Variants in KCNJ16 observed in about 807,000 individuals in gnomAD.
KCNJ16 encodes potassium inwardly rectifying channel subfamily J member 16.
Under a neutral mutation model 18.5 loss-of-function variants are expected in KCNJ16, and 15 were observed. That is an observed-to-expected ratio of 0.81 (90% CI 0.54 to 1.25). KCNJ16 has a LOEUF of 1.25. Among genes scored for constraint, KCNJ16 ranks in the 50% most tolerant of loss-of-function variants. The pLI is 0.00. For synonymous variants in KCNJ16, 174 were observed against 186.5 expected (o/e 0.93, Z 0.55); for missense variants, 523 against 525.7 (o/e 0.99, Z 0.05).
intron 1 of KCNJ16, among the ~76,000 whole-genome samples, chr17:70,091,348 C>A (rs2072082466): frequency 6.6e-6 from 1 of 152,170 alleles, no homozygotes; most frequent in Non-Finnish European, 1.5e-5. Flanking sequence ...AAATAGCTTA[C>A]TAACTTCCTG....
At chr17:70,111,512 G>T (rs965488117) in intron 2 of KCNJ16, among the ~76,000 whole-genome samples, 2 of 152,088 alleles carry the variant, frequency 1.3e-5, no homozygotes, top group Non-Finnish European at 1.5e-5. Flanking sequence ...TTACTGCTTG[G>T]ATAGCTGAGA....
At chr17:70,095,809 G>A (rs982096990) in intron 1 of KCNJ16, among the ~76,000 whole-genome samples, 2 of 150,640 alleles carry the variant, frequency 1.3e-5, no homozygotes, top group African/African-American at 4.9e-5. Flanking sequence ...TCAAACTTGG[G>A]TCAAGATCCC....
intron 1 of KCNJ16, among the ~76,000 whole-genome samples, chr17:70,094,594 T>C (rs1340234680): frequency 6.7e-6 from 1 of 149,202 alleles, no homozygotes; most frequent in Non-Finnish European, 1.5e-5. Flanking sequence ...CCATTGCACT[T>C]ATTTATTAGT....
At chr17:70,102,127 T>C (rs959082246) in intron 2 of KCNJ16, 3 of 150,004 alleles carry the variant, frequency 2.0e-5, no homozygotes, top group African/African-American at 7.4e-5. Flanking sequence ...TGATTCAAAA[T>C]AGTATTCCAT....
chr17:70,122,755 C>A (rs933677686), intron 2 of KCNJ16, among the ~76,000 whole-genome samples: 1 of 152,194 alleles, frequency 6.6e-6, no homozygotes, highest in African/African-American at 2.4e-5. Flanking sequence ...CACCTCACCA[C>A]TGGCCTCTTG....
Position 70,132,741 on chromosome 17 carries a change from C to A in KCNJ16, c.654C>A (p.Ala218=). The change falls in exon 4 of 4, where the codon GCC becomes GCA. Residue 218 remains alanine, a synonymous_variant. Coordinates refer to ENST00000392671, the MANE Select transcript of KCNJ16 (RefSeq NM_170741.4). ...PNHVVEGTVR[A]QLLRYTEDSE... Reference sequence around the variant, plus strand: ...ACGTGGTAGAAGGAACAGTTAGAGCCCAACTTCTCCGCTATACAGAAGACA... The same window carrying A: ...ACGTGGTAGAAGGAACAGTTAGAGCACAACTTCTCCGCTATACAGAAGACA... 1 of 1,613,936 alleles carries A rather than the reference C, an allele frequency of 6.2e-7. No homozygotes were observed. Among genetic ancestry groups the A allele is most frequent in the Non-Finnish European group, 8.5e-7 (1 of 1,180,012 alleles).
intron 1 of KCNJ16, among the ~76,000 whole-genome samples, chr17:70,093,082 T>G (rs904533165): frequency 6.6e-6 from 1 of 152,016 alleles, no homozygotes; most frequent in Non-Finnish European, 1.5e-5. Context: ...TTTGCAAAGG[T>G]TGAAAGTTAG....
chr17:70,103,255 TTATGTGTA>T lies in KCNJ16; in HGVS notation c.-191+2501_-191+2508del, dbSNP rs1217572385. The stretch of plus-strand genomic sequence containing the variant: ...TATATATTTATGTGTATATATATAT[TTATGTGTA>T]TATGTGTATATAATATGCATATATG... On this transcript the variant is annotated intron_variant, in intron 2 of 3. Transcript: ENST00000392671. 2.4e-4 allele frequency among the ~76,000 whole-genome samples: 31 copies of T among 127,018 alleles called. 1 individual carries two copies. The South Asian group carries it at 7.0e-3, about 29-fold the overall frequency. The allele number at this position is 127,018 out of a possible 152,430, so 83.3% of individuals were successfully genotyped here.
intron 2 of KCNJ16, among the ~76,000 whole-genome samples, chr17:70,119,126 A>C (rs9910513): frequency 0.058 from 8,801 of 152,246 alleles, 824 homozygotes; most frequent in African/African-American, 0.2. Context: ...GCTCCAAAAT[A>C]ATCTCCTTTG....
chr17:70,108,023 A>G (rs1419466089), intron 2 of KCNJ16, among the ~76,000 whole-genome samples: 1 of 152,158 alleles, frequency 6.6e-6, no homozygotes, highest in East Asian at 1.9e-4. Context: ...TGATACAGAC[A>G]TTAAATCTAC....
At chr17:70,101,578 T>C (rs2072621814) in intron 2 of KCNJ16, 1 of 118,666 alleles carries the variant, frequency 8.4e-6, no homozygotes, top group Non-Finnish European at 1.7e-5. Flanking sequence ...ACGATTATAA[T>C]TGCAGATTTC....
chr17:70,115,962 T>C (rs777770380), intron 2 of KCNJ16, among the ~76,000 whole-genome samples: 2 of 152,198 alleles, frequency 1.3e-5, no homozygotes, highest in Non-Finnish European at 2.9e-5. Flanking sequence ...AGATTGCTAT[T>C]GATTTGTTTC....
In KCNJ16 at chr17:70,123,871, A is replaced by G. The variant is rs78154997; in HGVS notation, c.-190-7008A>G. On this transcript the variant is annotated intron_variant, in intron 2 of 3. Coordinates refer to ENST00000392671, the MANE Select transcript of KCNJ16 (RefSeq NM_170741.4). ...GTTTAGAAATGATTGCTCTGGATGA[A>G]AGAGGCAATAAATGAGTTGAAAGGC... 1.1e-3 allele frequency among the ~76,000 whole-genome samples: 175 copies of G among 152,316 alleles called. 2 individuals are homozygous for G. The East Asian group carries it at 0.024, about 21-fold the overall frequency.
In KCNJ16 at chr17:70,135,350, C is replaced by A. The variant is rs756534134; in HGVS notation, c.*2006C>A. ...AGCTTGTTTTACCTACATCTAGTTTCATTTCATCTTGCTTTGCTTTGTTGA... is the reference window on the plus strand; with the variant it reads ...AGCTTGTTTTACCTACATCTAGTTTAATTTCATCTTGCTTTGCTTTGTTGA... On this transcript the variant is annotated 3_prime_UTR_variant, in exon 4 of 4. Transcript: ENST00000392671. The A allele has an allele frequency of 6.0e-6, 1 of 167,018 alleles. No homozygotes were observed. Among genetic ancestry groups the A allele is most frequent in the Non-Finnish European group, 1.5e-5 (1 of 68,118 alleles). 10.3% of individuals were successfully genotyped at this position (167,018 alleles called of 1,614,324 possible).
intron 1 of KCNJ16, among the ~76,000 whole-genome samples, chr17:70,088,953 A>G (rs2071962205): frequency 6.6e-6 from 1 of 152,208 alleles, no homozygotes; most frequent in South Asian, 2.1e-4. Flanking sequence ...TGAATTTAAA[A>G]TTGACTTTTA....
chr17:70,077,871 A>G (rs1241487743), intron 1 of KCNJ16, among the ~76,000 whole-genome samples: 1 of 152,146 alleles, frequency 6.6e-6, no homozygotes, highest in Non-Finnish European at 1.5e-5. Context: ...AGATTCAGAA[A>G]AAAAAAAAAG....
At chr17:70,105,053 G>A (rs1015081276) in intron 2 of KCNJ16, 2 of 152,530 alleles carry the variant, frequency 1.3e-5, no homozygotes, top group Non-Finnish European at 2.9e-5. Context: ...GTTCAGATCT[G>A]CACTTCATCA....
At chr17:70,093,503 T>C (rs1015242723) in intron 1 of KCNJ16, among the ~76,000 whole-genome samples, 2 of 152,202 alleles carry the variant, frequency 1.3e-5, no homozygotes, top group African/African-American at 4.8e-5. Context: ...CATAACTTGA[T>C]TACATCTGCA....
intron 1 of KCNJ16, among the ~76,000 whole-genome samples, chr17:70,085,481 G>A: frequency 6.6e-6 from 1 of 152,276 alleles, no homozygotes; most frequent in East Asian, 1.9e-4. Context: ...AGTAGTGTAT[G>A]TCTTCTAAAG....
Sources: gnomAD v4.1 joint callset for allele counts (sites outside exome capture counted in the v4.1 genomes callset) on GRCh38, gnomAD v4.1.1 for gene constraint, MANE v1.5 for transcripts, NCBI Gene and HGNC (gene_info 2026-07-23, HGNC 2026-07-21) for gene names.